Variants in GPR137C observed in about 807,000 individuals in gnomAD.
The protein encoded by GPR137C is integral membrane protein GPR137C.
In GPR137C, 27 loss-of-function variants were observed where a neutral mutation model predicts 43.4. That is an observed-to-expected ratio of 0.62 (90% CI 0.46 to 0.86). The LOEUF is 0.86. Ranked by LOEUF, GPR137C falls within the 40% of genes least tolerant of loss-of-function variation. The probability of loss-of-function intolerance (pLI) is 0.00; values close to 1 mark genes in which losing one functional copy is unlikely to be tolerated. For missense variants in GPR137C, 522 were observed against 534.6 expected (o/e 0.98, Z 0.23); for synonymous variants, 285 against 226.9 (o/e 1.26, Z -2.30).
At position 52,633,564 on chromosome 14, in the gene GPR137C, T is replaced by A; in HGVS notation, c.902T>A (p.Ile301Lys). Residue 301 changes from isoleucine to lysine, a missense_variant, in exon 5 of 7, where the codon ATA becomes AAA. Ile to Lys is a moderately radical substitution (Grantham distance 102). This residue lies in a region of GPR137C where 437 missense variants were observed against 425.7 expected (regional missense o/e 1.03). Coordinates refer to ENST00000321662, the MANE Select transcript of GPR137C (RefSeq NM_001099652.2). ...GAAGACATAAGTGGAGAAGAGTATA[T>A]AGTATTTGGAATGGTCCTCTTTCTG... is the stretch of plus-strand genomic sequence containing the variant. ...HVEDISGEEY[I>K]VFGMVLFLWE... 1 of 1,612,016 alleles carries A rather than the reference T, an allele frequency of 6.2e-7. No homozygotes were observed. Among genetic ancestry groups the A allele is most frequent in the South Asian group, 1.1e-5 (1 of 91,036 alleles).
intron 1 of GPR137C, among the ~76,000 whole-genome samples, chr14:52,569,766 A>G (rs963079200): frequency 3.9e-5 from 6 of 152,020 alleles, no homozygotes; most frequent in African/African-American, 1.4e-4. Flanking sequence ...GGAATGAACA[A>G]AGCCTCCAAG....
chr14:52,583,813 C>T (rs1337176077), intron 1 of GPR137C, among the ~76,000 whole-genome samples: 1 of 152,120 alleles, frequency 6.6e-6, no homozygotes, highest in East Asian at 1.9e-4. Context: ...TCTCAAAACC[C>T]TTATTGATAA....
intron 6 of GPR137C, 61 bp downstream of exon 6, chr14:52,634,007 C>A: frequency 2.9e-6 from 3 of 1,043,708 alleles, no homozygotes; most frequent in Non-Finnish European, 4.5e-6. Context: ...AAAAACAAAT[C>A]TAAGCTTTAA....
At chr14:52,619,144 C>G (rs1013824228) in intron 3 of GPR137C, among the ~76,000 whole-genome samples, 1 of 152,092 alleles carries the variant, frequency 6.6e-6, no homozygotes, top group Non-Finnish European at 1.5e-5. Context: ...CAGCATCAGC[C>G]TTTTTCAGAG....
At chr14:52,603,728 G>A (rs902362218) in intron 3 of GPR137C, among the ~76,000 whole-genome samples, 15 of 151,852 alleles carry the variant, frequency 9.9e-5, no homozygotes, top group African/African-American at 2.4e-4. Flanking sequence ...TAGTAGAGAC[G>A]GGGTTTCACC....
At chr14:52,561,300 C>T (rs544510512) in intron 1 of GPR137C, among the ~76,000 whole-genome samples, 2 of 152,178 alleles carry the variant, frequency 1.3e-5, no homozygotes, top group South Asian at 2.1e-4. Context: ...AAACATAAGC[C>T]TGTCATAAAA....
At chr14:52,625,405 C>A (rs1420138114) in intron 3 of GPR137C, among the ~76,000 whole-genome samples, 1 of 149,964 alleles carries the variant, frequency 6.7e-6, no homozygotes, top group Non-Finnish European at 1.5e-5. Context: ...TCGCTTGAAC[C>A]CAGGAAGTGG....
chr14:52,573,959 T>C (rs558298167), intron 1 of GPR137C, among the ~76,000 whole-genome samples: 7 of 149,874 alleles, frequency 4.7e-5, no homozygotes, highest in Non-Finnish European at 8.8e-5. Flanking sequence ...GCCACAAACA[T>C]ATGAAAAAAA....
At chr14:52,567,661 G>GT (rs2038392501) in intron 1 of GPR137C, among the ~76,000 whole-genome samples, 1 of 132,874 alleles carries the variant, frequency 7.5e-6, no homozygotes, top group Non-Finnish European at 1.6e-5. Context: ...TTTTTTTTTT[G>GT]GTTTTTTTTT....
At position 52,601,777 on chromosome 14, in the gene GPR137C, T is replaced by C. The variant is rs34805299; in HGVS notation, c.717+1436T>C. Among the ~76,000 whole-genome samples, 1,052 of 152,026 alleles carry C rather than the reference T, an allele frequency of 6.9e-3. 8 individuals carry two copies. The highest frequency in any genetic ancestry group is 9.2e-3 in the Non-Finnish European group (625 of 67,920). ...CTGTTGCTTGTCTAGGGATAAAGCA[T>C]AAATAGATGTTGAATTTCAAGTGCT... On this transcript the variant is annotated intron_variant, in intron 3 of 6. Transcript: ENST00000321662.
At chr14:52,588,022 A>G (rs1272622118) in intron 1 of GPR137C, among the ~76,000 whole-genome samples, 1 of 152,242 alleles carries the variant, frequency 6.6e-6, no homozygotes, top group African/African-American at 2.4e-5. Flanking sequence ...TGAAGAGTAA[A>G]AGATATTTAC....
intron 1 of GPR137C, among the ~76,000 whole-genome samples, chr14:52,571,018 C>G (rs577154566): frequency 2.4e-4 from 37 of 152,292 alleles, no homozygotes; most frequent in African/African-American, 8.4e-4. Flanking sequence ...TTCTCCACCC[C>G]AAATCAACGA....
chr14:52,609,889 C>A (rs941752569), intron 3 of GPR137C, among the ~76,000 whole-genome samples: 1 of 152,214 alleles, frequency 6.6e-6, no homozygotes, highest in African/African-American at 2.4e-5. Flanking sequence ...TGGCCTTTGA[C>A]TATTTTTGTG....
intron 3 of GPR137C, among the ~76,000 whole-genome samples, chr14:52,621,173 A>G (rs1455240632): frequency 6.6e-6 from 1 of 151,940 alleles, no homozygotes. Flanking sequence ...AGAAAAATAA[A>G]TTATAGAATT....
In GPR137C at chr14:52,600,129, G is replaced by C. The variant is rs1263893814; in HGVS notation, c.505G>C (p.Gly169Arg). The change falls in exon 3 of 7, where the codon GGC becomes CGC. Residue 169 changes from glycine to arginine, a missense_variant. Around this residue, in one of 3 missense-constraint regions of GPR137C, gnomAD observed 437 missense variants for 425.7 expected, o/e 1.03. Transcript: ENST00000321662. ...TTCTTTCAGAATTCTACTGCATTTG[G>C]GCTTTATAATGGCAAGCCTGCTCTT... ...LDRHKILLHLGFIMASLLFLV... is the reference protein window; with the variant it reads ...LDRHKILLHLRFIMASLLFLV... 3 of 1,612,686 alleles carry C rather than the reference G, an allele frequency of 1.9e-6. No homozygotes were observed. Among genetic ancestry groups the C allele is most frequent in the Non-Finnish European group, 2.5e-6 (3 of 1,179,014 alleles).
intron 1 of GPR137C, among the ~76,000 whole-genome samples, chr14:52,566,729 A>G (rs1032230872): frequency 1.7e-4 from 26 of 152,226 alleles, no homozygotes; most frequent in African/African-American, 6.0e-4. Flanking sequence ...ACAGGCTAGA[A>G]TCAGTCATGG....
chr14:52,572,647 A>C (rs924802717), intron 1 of GPR137C, among the ~76,000 whole-genome samples: 2 of 152,208 alleles, frequency 1.3e-5, no homozygotes, highest in Non-Finnish European at 2.9e-5. Context: ...TATCATACTG[A>C]TTGGGCAAAA....
Position 52,588,333 on chromosome 14 carries a change from C to T in GPR137C, c.445-9939C>T, listed in dbSNP as rs918106204. Reference sequence around the variant, plus strand: ...CTGCTTTTTTTTTATTTAATAGAGACAGGGTTTCACCATGTTGGCCAGGCT... The same window carrying T: ...CTGCTTTTTTTTTATTTAATAGAGATAGGGTTTCACCATGTTGGCCAGGCT... On this transcript the variant is annotated intron_variant, in intron 1 of 6. Coordinates refer to ENST00000321662, the MANE Select transcript of GPR137C (RefSeq NM_001099652.2). 2.6e-5 allele frequency among the ~76,000 whole-genome samples: 4 copies of T among 151,900 alleles called. No homozygotes were observed. In the East Asian group the frequency reaches 7.7e-4, roughly 29 times the overall value.
In GPR137C at chr14:52,552,920, G is replaced by T. The variant is rs988115128; in HGVS notation, c.-228G>T. 2.0e-5 allele frequency among the ~76,000 whole-genome samples: 3 copies of T among 151,902 alleles called. No individual in the cohort carries two copies. The highest frequency in any genetic ancestry group is 4.4e-5 in the Non-Finnish European group (3 of 67,902). On this transcript the variant is annotated 5_prime_UTR_variant, in exon 1 of 7. Coordinates refer to ENST00000321662, the MANE Select transcript of GPR137C (RefSeq NM_001099652.2). Reference sequence around the variant, plus strand: ...TTGTTTTTTGCAGCTACGGAGCCGAGCCGCAGCAGGAGGAGCCGAGACCCC... The same window carrying T: ...TTGTTTTTTGCAGCTACGGAGCCGATCCGCAGCAGGAGGAGCCGAGACCCC...
Sources: allele counts gnomAD v4.1 joint callset (sites outside exome capture counted in the v4.1 genomes callset), GRCh38; gene constraint gnomAD v4.1.1; regional missense constraint gnomAD v4.1.1; transcripts MANE v1.5; gene names NCBI Gene and HGNC (gene_info 2026-07-23, HGNC 2026-07-21).